Variants in NLGN4X observed in about 807,000 individuals in gnomAD.
NLGN4X encodes the protein neuroligin-4, X-linked.
A neutral mutation model predicts 40.3 loss-of-function variants in NLGN4X; 3 were observed. The ratio of observed to expected loss-of-function variants is 0.07; its 90% CI spans 0.03 to 0.19. The LOEUF (loss-of-function observed/expected upper bound fraction) is 0.19, where lower values mean the gene tolerates loss of function less well. NLGN4X is among the 10% of genes least tolerant of loss of function. The probability of loss-of-function intolerance (pLI) is 1.00; values close to 1 mark genes in which losing one functional copy is unlikely to be tolerated. For missense variants in NLGN4X, 382 were observed against 708.3 expected (o/e 0.54, Z 5.23); for synonymous variants, 270 against 306.8 (o/e 0.88, Z 1.25).
intron 3 of NLGN4X, among the ~76,000 whole-genome samples, chrX:5,997,780 G>A (rs1239579153): frequency 9.1e-6 from 1 of 109,869 alleles, no homozygotes; most frequent in African/African-American, 3.3e-5. Context: ...GAGAGGTTAA[G>A]TCAATTAATC....
intron 3 of NLGN4X, among the ~76,000 whole-genome samples, chrX:6,019,347 T>C (rs1025987351): frequency 8.9e-6 from 1 of 111,800 alleles, no homozygotes. Flanking sequence ...ATATGTGTAG[T>C]AGTCTTACAT....
At chrX:5,996,707 T>G (rs1282915258) in intron 3 of NLGN4X, among the ~76,000 whole-genome samples, 5 of 109,483 alleles carry the variant, frequency 4.6e-5, no homozygotes, top group Non-Finnish European at 9.5e-5. Context: ...CAGGAGATTC[T>G]CCTGCCTCAG....
intron 1 of NLGN4X, among the ~76,000 whole-genome samples, chrX:6,217,830 G>A (rs5916340): frequency 0.3 from 32,842 of 110,453 alleles, 4,079 homozygotes; most frequent in Non-Finnish European, 0.38. Flanking sequence ...GACAGCATGA[G>A]GGGCCTTGTC....
intron 2 of NLGN4X, among the ~76,000 whole-genome samples, chrX:6,148,994 A>G (rs976936576): frequency 5.4e-5 from 6 of 112,036 alleles, no homozygotes; most frequent in Admixed American, 4.7e-4. Flanking sequence ...CTTTTCAGTC[A>G]CTATTAGATT....
intron 2 of NLGN4X, among the ~76,000 whole-genome samples, chrX:6,073,255 C>T (rs912398961): frequency 2.7e-5 from 3 of 112,092 alleles, no homozygotes; most frequent in African/African-American, 9.7e-5. Flanking sequence ...TTCCCTTACA[C>T]TAGAAACTGA....
chrX:6,123,333 G>T (rs2039467079), intron 2 of NLGN4X, among the ~76,000 whole-genome samples: 1 of 111,490 alleles, frequency 9.0e-6, no homozygotes, highest in South Asian at 3.8e-4. Context: ...CAAGTACAAG[G>T]GAAAGAAAAT....
chrX:5,978,332 CTTTCTTTCTT>C (rs1371316309), intron 3 of NLGN4X, among the ~76,000 whole-genome samples: 1 of 37,104 alleles, frequency 2.7e-5, no homozygotes, highest in East Asian at 1.1e-3. Context: ...TTCTTTCTTT[CTTTCTTTCTT>C]TCCCTTCCTT....
chrX:6,089,801 T>C (rs2038593156), intron 2 of NLGN4X, among the ~76,000 whole-genome samples: 1 of 112,286 alleles, frequency 8.9e-6, no homozygotes, highest in African/African-American at 3.2e-5. Context: ...GCTTGCTGTA[T>C]GCATGAAAGG....
intron 3 of NLGN4X, among the ~76,000 whole-genome samples, chrX:5,970,264 C>A (rs1317865947): frequency 8.1e-5 from 9 of 111,041 alleles, no homozygotes; most frequent in Non-Finnish European, 1.5e-4. Flanking sequence ...GTGCAGCACA[C>A]CAACATGGCA....
intron 3 of NLGN4X, among the ~76,000 whole-genome samples, chrX:5,917,804 T>C (rs1416485848): frequency 8.9e-6 from 1 of 112,464 alleles, no homozygotes. Flanking sequence ...AATTGACTGC[T>C]GGTCAAATTA....
intron 1 of NLGN4X, among the ~76,000 whole-genome samples, chrX:6,164,163 A>G (rs1419707797): frequency 8.8e-6 from 1 of 113,021 alleles, no homozygotes; most frequent in East Asian, 2.8e-4. Context: ...TTAGAGTATT[A>G]CTTTCAGCCA....
chrX:6,185,967 T>C (rs1197504352), intron 1 of NLGN4X, among the ~76,000 whole-genome samples: 2 of 112,371 alleles, frequency 1.8e-5, no homozygotes, highest in Non-Finnish European at 3.8e-5. Context: ...CACTCATCCA[T>C]ACACCCCAGA....
chrX:6,032,666 T>C, intron 2 of NLGN4X: 1 of 1,119,723 alleles, frequency 8.9e-7, no homozygotes, highest in African/African-American at 1.8e-5. Context: ...GCACTGGGGT[T>C]GAGCTTTGAA....
Position 5,892,741 on chromosome X carries a change from T to C in NLGN4X, c.*76A>G. The C allele has an allele frequency of 1.7e-6, 2 of 1,164,617 alleles. No homozygotes were observed. The highest frequency in any genetic ancestry group is 2.3e-6 in the Non-Finnish European group (2 of 858,257). On this transcript the variant is annotated 3_prime_UTR_variant, in exon 6 of 6. Coordinates refer to ENST00000381095, the MANE Select transcript of NLGN4X (RefSeq NM_181332.3). ...TGGAGACTTTCTTTCTCTCTCTCTTTCCTTCTCTCTTTCCTTCCCTCTTCT... is the reference window on the plus strand; with the variant it reads ...TGGAGACTTTCTTTCTCTCTCTCTTCCCTTCTCTCTTTCCTTCCCTCTTCT...
chrX:6,061,708 T>C (rs1011898636), intron 2 of NLGN4X: 2 of 112,132 alleles, frequency 1.8e-5, no homozygotes, highest in Non-Finnish European at 3.8e-5. Flanking sequence ...AGGACACTTT[T>C]TCCTTGCATC....
chrX:6,144,910 T>A (rs1223109071), intron 2 of NLGN4X, among the ~76,000 whole-genome samples: 2 of 110,623 alleles, frequency 1.8e-5, no homozygotes, highest in African/African-American at 6.6e-5. Context: ...ATGGGCGAGT[T>A]GGCTGGGGGG....
At chrX:5,962,681 G>A (rs772916834) in intron 3 of NLGN4X, among the ~76,000 whole-genome samples, 2 of 111,898 alleles carry the variant, frequency 1.8e-5, no homozygotes, top group East Asian at 2.8e-4. Flanking sequence ...CCAGGAGATG[G>A]TATTAGGAGG....
intron 3 of NLGN4X, among the ~76,000 whole-genome samples, chrX:6,028,765 G>A (rs1168150568): frequency 8.9e-6 from 1 of 112,072 alleles, no homozygotes. Flanking sequence ...GATCATCAAT[G>A]GACAAAAGTC....
At chrX:5,913,592 T>C (rs2032621435) in intron 3 of NLGN4X, among the ~76,000 whole-genome samples, 1 of 112,029 alleles carries the variant, frequency 8.9e-6, no homozygotes, top group Non-Finnish European at 1.9e-5. Flanking sequence ...TCTCCTCCAA[T>C]AATTGAACAA....
Sources: allele counts gnomAD v4.1 joint callset (sites outside exome capture counted in the v4.1 genomes callset), GRCh38; gene constraint gnomAD v4.1.1; transcripts MANE v1.5; gene names NCBI Gene and HGNC (gene_info 2026-07-23, HGNC 2026-07-21).